ENAH: variants seen among roughly 807,000 people sequenced by gnomAD.
ENAH encodes ENAH actin regulator, also known as protein enabled homolog.
In ENAH, 23 loss-of-function variants were observed where a neutral mutation model predicts 78.7. The ratio of observed to expected loss-of-function variants is 0.29; its 90% CI spans 0.21 to 0.41. The LOEUF is 0.41. ENAH is among the 10% of genes least tolerant of loss of function. The pLI, the probability that ENAH is intolerant of heterozygous loss-of-function variation, is 1.00. For missense variants in ENAH, 544 were observed against 691.0 expected (o/e 0.79, Z 2.39); for synonymous variants, 226 against 241.0 (o/e 0.94, Z 0.58).
intron 1 of ENAH, among the ~76,000 whole-genome samples, chr1:225,611,203 C>T (rs1034859672): frequency 2.6e-5 from 4 of 152,042 alleles, no homozygotes; most frequent in African/African-American, 9.7e-5. Context: ...GATAATAGTC[C>T]CTGTAATCCC....
At chr1:225,499,213 A>C (rs1242646748) in intron 12 of ENAH, among the ~76,000 whole-genome samples, 1 of 152,232 alleles carries the variant, frequency 6.6e-6, no homozygotes, top group Non-Finnish European at 1.5e-5. Context: ...ACAGCCAGGC[A>C]CGGTGGCTCA....
At chr1:225,573,414 T>C (rs555438917) in intron 1 of ENAH, among the ~76,000 whole-genome samples, 44 of 152,050 alleles carry the variant, frequency 2.9e-4, no homozygotes, top group African/African-American at 1.0e-3. Context: ...GTTCTCAGAG[T>C]ATTCATTAAT....
chr1:225,645,565 T>C (rs1275488410), intron 1 of ENAH, among the ~76,000 whole-genome samples: 1 of 152,212 alleles, frequency 6.6e-6, no homozygotes, highest in African/African-American at 2.4e-5. Context: ...GGTCATACGA[T>C]AACTCTATGT....
chr1:225,613,858 C>T (rs887670050), intron 1 of ENAH, among the ~76,000 whole-genome samples: 1 of 152,104 alleles, frequency 6.6e-6, no homozygotes, highest in Non-Finnish European at 1.5e-5. Context: ...GAAATAACAT[C>T]ACATCCCATA....
intron 1 of ENAH, among the ~76,000 whole-genome samples, chr1:225,649,307 T>C (rs1170351294): frequency 6.6e-6 from 1 of 151,788 alleles, no homozygotes; most frequent in Admixed American, 6.6e-5. Context: ...TTAATACGGA[T>C]CCAAGAATGT....
chr1:225,523,628 T>A (rs1033497755), intron 4 of ENAH, among the ~76,000 whole-genome samples: 1 of 152,132 alleles, frequency 6.6e-6, no homozygotes, highest in African/African-American at 2.4e-5. Context: ...GCTGAAAAGA[T>A]GCCCATCTAA....
intron 1 of ENAH, among the ~76,000 whole-genome samples, chr1:225,588,934 G>A (rs1035011982): frequency 6.6e-6 from 1 of 151,750 alleles, no homozygotes; most frequent in African/African-American, 2.4e-5. Context: ...GGTATCCATC[G>A]ACAAGACGAT....
intron 1 of ENAH, among the ~76,000 whole-genome samples, chr1:225,613,800 G>C (rs1196452863): frequency 1.3e-5 from 2 of 152,092 alleles, no homozygotes; most frequent in African/African-American, 4.8e-5. Context: ...CAGATTCTCT[G>C]GCAGACACTA....
At chr1:225,551,233 T>C (rs1279027557) in intron 3 of ENAH, among the ~76,000 whole-genome samples, 1 of 152,148 alleles carries the variant, frequency 6.6e-6, no homozygotes, top group African/African-American at 2.4e-5. Context: ...TATAACTCAC[T>C]GTATTTAGCA....
chr1:225,648,914 A>G (rs947124028), intron 1 of ENAH, among the ~76,000 whole-genome samples: 2 of 152,140 alleles, frequency 1.3e-5, no homozygotes, highest in Non-Finnish European at 2.9e-5. Context: ...AAGGAAACAC[A>G]GAAGAAGGGA....
intron 1 of ENAH, among the ~76,000 whole-genome samples, chr1:225,583,433 C>CAAAA (rs67324652): frequency 4.0e-5 from 4 of 100,540 alleles, no homozygotes; most frequent in African/African-American, 7.6e-5. Flanking sequence ...GACCCTGTAT[C>CAAAA]AAAAAAAAAA....
intron 1 of ENAH, among the ~76,000 whole-genome samples, chr1:225,633,880 T>C (rs559081713): frequency 3.3e-5 from 5 of 152,312 alleles, no homozygotes; most frequent in South Asian, 4.1e-4. Flanking sequence ...CCCTGTGGCA[T>C]GCATGTTTTG....
chr1:225,528,988 G>C (rs1347861302), intron 4 of ENAH, among the ~76,000 whole-genome samples: 1 of 151,600 alleles, frequency 6.6e-6, no homozygotes, highest in Non-Finnish European at 1.5e-5. Flanking sequence ...CTATCACCTG[G>C]GGGAAGCCAC....
At chr1:225,648,315 C>T (rs1011636776) in intron 1 of ENAH, among the ~76,000 whole-genome samples, 4 of 152,194 alleles carry the variant, frequency 2.6e-5, no homozygotes, top group Admixed American at 2.6e-4. Flanking sequence ...ATCTTTCTTA[C>T]ACTCATGATA....
At position 225,547,705 on chromosome 1, in the gene ENAH, A is replaced by C. The variant is rs143081819; in HGVS notation, c.349+7201T>G. 6.8e-4 allele frequency among the ~76,000 whole-genome samples: 103 copies of C among 152,270 alleles called. 3 individuals carry two copies. The highest frequency in any genetic ancestry group is 6.8e-3 in the Middle Eastern group (2 of 294). ...CACCTACCTTTCTGAATTTATTCCC[A>C]CCAGGCCAAACAATTCCCTGCTCTA... On this transcript the variant is annotated intron_variant, in intron 3 of 13. Coordinates refer to ENST00000366843, the MANE Select transcript of ENAH (RefSeq NM_018212.6).
At chr1:225,572,782 T>G (rs1270749361) in intron 1 of ENAH, among the ~76,000 whole-genome samples, 3 of 152,244 alleles carry the variant, frequency 2.0e-5, no homozygotes, top group Non-Finnish European at 2.9e-5. Flanking sequence ...TGTACTTTTG[T>G]GAAGATCAGG....
chr1:225,516,269 T>C (rs1251363792), intron 6 of ENAH, among the ~76,000 whole-genome samples: 9 of 152,170 alleles, frequency 5.9e-5, no homozygotes, highest in Non-Finnish European at 1.0e-4. Flanking sequence ...ATTTTGGACC[T>C]TGGAACCCTT....
intron 1 of ENAH, among the ~76,000 whole-genome samples, chr1:225,639,346 T>A (rs1165884473): frequency 6.6e-6 from 1 of 152,174 alleles, no homozygotes; most frequent in East Asian, 1.9e-4. Flanking sequence ...AATGATACCT[T>A]AAGAGAGCTG....
At chr1:225,619,751 A>G (rs1656460697) in intron 1 of ENAH, among the ~76,000 whole-genome samples, 1 of 152,226 alleles carries the variant, frequency 6.6e-6, no homozygotes, top group African/African-American at 2.4e-5. Flanking sequence ...AAACACAGCT[A>G]TCAGGTCAAT....
Sources: allele counts gnomAD v4.1 joint callset (sites outside exome capture counted in the v4.1 genomes callset), GRCh38; gene constraint gnomAD v4.1.1; transcripts MANE v1.5; gene names NCBI Gene and HGNC (gene_info 2026-07-23, HGNC 2026-07-21).